The following SDK1 variants were observed in gnomAD, a reference collection of about 807,000 sequenced individuals.
SDK1 encodes the protein protein sidekick-1.
A neutral mutation model predicts 245.5 loss-of-function variants in SDK1; 157 were observed. The observed-to-expected ratio is 0.64, with a 90% CI of 0.56 to 0.73. The LOEUF (loss-of-function observed/expected upper bound fraction) is 0.73, where lower values mean the gene tolerates loss of function less well. SDK1 is among the 30% of genes least tolerant of loss of function. The pLI is 0.00. For missense variants in SDK1, 3,583 were observed against 3,002.3 expected, an observed-to-expected ratio of 1.19 and a Z score of -4.52; for synonymous variants, 1,647 against 1,278.5, an observed-to-expected ratio of 1.29 and a Z score of -6.15.
chr7:4,211,549 G>A (rs544377014), intron 38 of SDK1, among the ~76,000 whole-genome samples: 30 of 152,318 alleles, frequency 2.0e-4, no homozygotes, highest in African/African-American at 7.0e-4. Context: ...TGCTGTGCAT[G>A]TGGCTGCTGC....
intron 1 of SDK1, among the ~76,000 whole-genome samples, chr7:3,495,838 A>G (rs1280038560): frequency 2.0e-5 from 3 of 152,174 alleles, no homozygotes; most frequent in African/African-American, 4.8e-5. Context: ...GTGCTCCTAC[A>G]AAACGCTAGA....
rs557727840 is a variant in SDK1, at chr7:3,367,848, T to C, written c.298+65964T>C. 3.3e-5 allele frequency among the ~76,000 whole-genome samples: 5 copies of C among 152,382 alleles called. No homozygotes were observed. In the South Asian group the frequency reaches 1.0e-3, roughly 32 times the overall value. ...GTCTTATTTATGTTTTCATATAAGC[T>C]ATTATAACAAAATTGCAGTTTAAAA... On this transcript the variant is annotated intron_variant, in intron 1 of 44. Transcript: ENST00000404826.
chr7:4,195,847 G>A (rs928370729), intron 35 of SDK1, among the ~76,000 whole-genome samples: 6 of 152,198 alleles, frequency 3.9e-5, no homozygotes, highest in Admixed American at 1.3e-4. Flanking sequence ...CAGCAGCCAC[G>A]GTGGCAACAA....
At chr7:3,592,145 A>G (rs1046032255) in intron 1 of SDK1, among the ~76,000 whole-genome samples, 2 of 152,196 alleles carry the variant, frequency 1.3e-5, no homozygotes, top group African/African-American at 2.4e-5. Context: ...GGAATTTCTT[A>G]GTGTTTGACT....
chr7:3,541,919 G>T (rs1027073015), intron 1 of SDK1, among the ~76,000 whole-genome samples: 4 of 152,178 alleles, frequency 2.6e-5, no homozygotes, highest in Non-Finnish European at 5.9e-5. Context: ...TTTAAGAGAA[G>T]AAGGACTAGA....
intron 1 of SDK1, among the ~76,000 whole-genome samples, chr7:3,526,522 G>A (rs936011847): frequency 1.3e-5 from 2 of 152,140 alleles, no homozygotes; most frequent in Non-Finnish European, 2.9e-5. Context: ...ATGTGTGAGT[G>A]TGTCTCTGAA....
At chr7:4,052,762 C>T (rs1778949616) in intron 19 of SDK1, among the ~76,000 whole-genome samples, 6 of 152,074 alleles carry the variant, frequency 3.9e-5, no homozygotes, top group Non-Finnish European at 4.4e-5. Context: ...GTTTCTACCA[C>T]GAGTCTGTAC....
At chr7:3,513,985 A>G (rs1041144801) in intron 1 of SDK1, among the ~76,000 whole-genome samples, 39 of 152,148 alleles carry the variant, frequency 2.6e-4, no homozygotes, top group African/African-American at 8.7e-4. Flanking sequence ...ATGGCTGTGT[A>G]ATATTCCATG....
At chr7:3,329,790 T>C (rs1780023707) in intron 1 of SDK1, among the ~76,000 whole-genome samples, 1 of 152,254 alleles carries the variant, frequency 6.6e-6, no homozygotes, top group Non-Finnish European at 1.5e-5. Flanking sequence ...ACTGAACATA[T>C]GCACACTTAT....
At chr7:4,189,604 C>CT (rs1783075837) in intron 35 of SDK1, among the ~76,000 whole-genome samples, 1 of 152,196 alleles carries the variant, frequency 6.6e-6, no homozygotes, top group African/African-American at 2.4e-5. Context: ...AATCCTAGCA[C>CT]TTTGAGAGGC....
intron 35 of SDK1, among the ~76,000 whole-genome samples, chr7:4,189,525 A>G (rs1584404339): frequency 6.6e-6 from 1 of 152,302 alleles, no homozygotes; most frequent in East Asian, 1.9e-4. Flanking sequence ...CAAAAACAGA[A>G]GACAGACAGA....
rs190203439 is a variant in SDK1 at position 4,045,211 on chromosome 7, A to G, written c.2603-4137A>G. On this transcript the variant is annotated intron_variant, in intron 17 of 44. Transcript: ENST00000404826. ...AGGATGTTTGCAGTTTGGGGTGATT[A>G]TTAAAGCTGCTATGAATATCACATA... is the stretch of plus-strand genomic sequence containing the variant. Among the ~76,000 whole-genome samples, 8 of 152,124 alleles carry G rather than the reference A, an allele frequency of 5.3e-5. No individual in the cohort carries two copies. In the East Asian group the frequency reaches 7.7e-4, roughly 15 times the overall value.
At chr7:3,575,255 A>G (rs1271715993) in intron 1 of SDK1, among the ~76,000 whole-genome samples, 3 of 151,910 alleles carry the variant, frequency 2.0e-5, no homozygotes, top group East Asian at 1.9e-4. Flanking sequence ...TGCTTGGTGC[A>G]TGCATGTGGG....
At chr7:3,403,622 A>G (rs1214627437) in intron 1 of SDK1, among the ~76,000 whole-genome samples, 1 of 151,506 alleles carries the variant, frequency 6.6e-6, no homozygotes, top group African/African-American at 2.4e-5. Context: ...AGAGAGCACA[A>G]ATACAATAAG....
At chr7:3,597,775 T>C (rs1237281879) in intron 1 of SDK1, among the ~76,000 whole-genome samples, 3 of 152,206 alleles carry the variant, frequency 2.0e-5, no homozygotes, top group Non-Finnish European at 4.4e-5. Context: ...TTTGACTTTT[T>C]TCACCCATCA....
intron 5 of SDK1, among the ~76,000 whole-genome samples, chr7:3,895,768 T>C (rs1781588636): frequency 6.6e-6 from 1 of 152,192 alleles, no homozygotes; most frequent in South Asian, 2.1e-4. Context: ...ATCTCCCCAT[T>C]TTTATGTTGG....
At chr7:4,071,741 G>T (rs1257963566) in intron 20 of SDK1, among the ~76,000 whole-genome samples, 1 of 152,204 alleles carries the variant, frequency 6.6e-6, no homozygotes, top group Non-Finnish European at 1.5e-5. Context: ...CAGTTCAGTG[G>T]CTGGAATTAG....
At chr7:3,535,430 C>T (rs1449758492) in intron 1 of SDK1, among the ~76,000 whole-genome samples, 1 of 152,130 alleles carries the variant, frequency 6.6e-6, no homozygotes, top group Non-Finnish European at 1.5e-5. Flanking sequence ...ATGCCAACAA[C>T]ATCTGATTAC....
intron 1 of SDK1, among the ~76,000 whole-genome samples, chr7:3,422,566 G>C (rs1405086481): frequency 6.6e-6 from 1 of 152,154 alleles, no homozygotes; most frequent in East Asian, 1.9e-4. Context: ...GCTGAGGGAG[G>C]AGGATTGCTT....
Sources: allele counts gnomAD v4.1 joint callset (sites outside exome capture counted in the v4.1 genomes callset), GRCh38; gene constraint gnomAD v4.1.1; transcripts MANE v1.5; gene names NCBI Gene and HGNC (gene_info 2026-07-23, HGNC 2026-07-21).